The following ELK4 variants were observed in gnomAD, a reference collection of about 807,000 sequenced individuals.
ELK4 encodes ETS transcription factor ELK4.
ELK4 carries 16 observed loss-of-function variants against 29.6 expected under a neutral mutation model. The observed-to-expected ratio is 0.54, with a 90% CI of 0.37 to 0.82. The LOEUF (loss-of-function observed/expected upper bound fraction) is 0.82. Among genes scored for constraint, ELK4 ranks in the 40% least tolerant of loss-of-function variants. The probability of loss-of-function intolerance (pLI) is 0.00; values close to 1 mark genes in which losing one functional copy is unlikely to be tolerated. For synonymous variants in ELK4, 213 were observed against 191.1 expected, an observed-to-expected ratio of 1.11 and a Z score of -0.95; for missense variants, 465 against 507.1, an observed-to-expected ratio of 0.92 and a Z score of 0.80.
At chr1:205,628,710 G>T (rs529438449) in intron 1 of ELK4, among the ~76,000 whole-genome samples, 1 of 152,162 alleles carries the variant, frequency 6.6e-6, no homozygotes, top group Non-Finnish European at 1.5e-5. Context: ...GATGGTACAG[G>T]TTTAACTTGC....
intron 1 of ELK4, chr1:205,626,182 T>C (rs1473669248): frequency 3.2e-6 from 2 of 618,592 alleles, no homozygotes; most frequent in South Asian, 2.9e-5. Context: ...GGAAGGGGGG[T>C]CTCATTCTAC....
At position 205,612,066 on chromosome 1, in the gene ELK4, T is replaced by TA. The variant is rs1670157977; in HGVS notation, c.*4479dup. 5.2e-6 allele frequency: 1 copy of TA among 191,740 alleles called. No individual in the cohort carries two copies. The highest frequency in any genetic ancestry group is 2.3e-5 in the African/African-American group (1 of 42,972). 11.9% of individuals were successfully genotyped at this position (191,740 alleles called of 1,614,324 possible). On this transcript the variant is annotated 3_prime_UTR_variant, in exon 5 of 5. Coordinates refer to ENST00000357992, the MANE Select transcript of ELK4 (RefSeq NM_001973.4). ...TGTGAGCAGACTAGTAAAATAAAAA[T>TA]AGAGTCATACCTAACATGAAGATAA... is the stretch of plus-strand genomic sequence containing the variant.
At chr1:205,618,299 G>C (rs1340002294) in intron 4 of ELK4, among the ~76,000 whole-genome samples, 1 of 151,854 alleles carries the variant, frequency 6.6e-6, no homozygotes, top group Non-Finnish European at 1.5e-5. Flanking sequence ...CCAAAGCGCT[G>C]GGATTACAGG....
chr1:205,612,271 T>C lies in ELK4; in HGVS notation c.*4275A>G, dbSNP rs757695554. On this transcript the variant is annotated 3_prime_UTR_variant, in exon 5 of 5. Coordinates refer to ENST00000357992, the MANE Select transcript of ELK4 (RefSeq NM_001973.4). ...ATATATCATAAGAGAGCATCATATA[T>C]GTTTGGAGATTAGAATGAGAATATC... 44 of 205,920 alleles carry C rather than the reference T, an allele frequency of 2.1e-4. No homozygotes were observed. The highest frequency in any genetic ancestry group is 4.0e-5 in the Non-Finnish European group (4 of 100,820). 12.8% of individuals were successfully genotyped at this position (205,920 alleles called of 1,614,324 possible).
intron 2 of ELK4, among the ~76,000 whole-genome samples, chr1:205,622,621 T>C (rs1670372953): frequency 6.6e-6 from 1 of 152,178 alleles, no homozygotes; most frequent in Non-Finnish European, 1.5e-5. Flanking sequence ...TGGGCTCAAG[T>C]GATCCTCCTG....
intron 2 of ELK4, among the ~76,000 whole-genome samples, chr1:205,623,396 G>A (rs576019675): frequency 2.7e-5 from 4 of 146,096 alleles, no homozygotes; most frequent in South Asian, 4.4e-4. Context: ...TACAACCTCC[G>A]CCTCCCGGGT....
In ELK4 at chr1:205,620,432, G is replaced by C. The variant is rs1670315019; in HGVS notation, c.614C>G (p.Ala205Gly). The C allele has an allele frequency of 6.2e-7, 1 of 1,614,094 alleles. No homozygotes were observed. The highest frequency in any genetic ancestry group is 1.7e-5 in the Admixed American group (1 of 59,994). Residue 205 changes from alanine (A) to glycine (G), a missense_variant, in exon 3 of 5, where the codon GCT (alanine) becomes GGT (glycine). This residue lies in a region of ELK4 where 385 missense variants were observed against 387.5 expected (regional missense o/e 0.99). Transcript: ENST00000357992. ...PSKKPPVEPV[A>G]ATISIGPSIS... Reference sequence around the variant, plus strand: ...ACTTGGGCCAATTGAAATGGTGGCAGCAACAGGTTCAACCGGTGGCTTTTT... The same window carrying C: ...ACTTGGGCCAATTGAAATGGTGGCACCAACAGGTTCAACCGGTGGCTTTTT...
chr1:205,616,735 C>A lies in ELK4; in HGVS notation c.1198-91G>T, dbSNP rs144414741. On this transcript the variant is annotated intron_variant, in intron 4 of 4. Coordinates refer to ENST00000357992, the MANE Select transcript of ELK4 (RefSeq NM_001973.4). The stretch of plus-strand genomic sequence containing the variant: ...CTCTATTACCTGAGGCAAAACACAA[C>A]AGCCTTCTGTAATGGCTCACAGGAC... 68 of 1,064,778 alleles carry A rather than the reference C, an allele frequency of 6.4e-5. No homozygotes were observed. The East Asian group carries it at 1.7e-3, about 26-fold the overall frequency. The allele number at this position is 1,064,778 out of a possible 1,614,324, so 66.0% of individuals were successfully genotyped here.
chr1:205,625,878 C>T (rs1266820111), intron 1 of ELK4: 1 of 658,214 alleles, frequency 1.5e-6, no homozygotes, highest in Non-Finnish European at 2.8e-6. Context: ...GGGGTTTCAC[C>T]ATGTTGGTCA....
Position 205,623,751 on chromosome 1 carries a change from G to C in ELK4, c.132C>G (p.Leu44=), listed in dbSNP as rs1670398430. Residue 44 remains leucine, a synonymous_variant, in exon 2 of 5, where the codon CTC becomes CTG. Coordinates refer to ENST00000357992, the MANE Select transcript of ELK4 (RefSeq NM_001973.4). The part of the protein sequence containing the change: ...KLLQAEEVAR[L]WGIRKNKPNM... ...TAGGCTTGTTCTTGCGAATCCCCCAGAGACGAGCCACCTCTTCTGCCTGCA... is the reference window on the plus strand; with the variant it reads ...TAGGCTTGTTCTTGCGAATCCCCCACAGACGAGCCACCTCTTCTGCCTGCA... The C allele has an allele frequency of 6.2e-7, 1 of 1,614,054 alleles. No homozygotes were observed. Among genetic ancestry groups the C allele is most frequent in the Non-Finnish European group, 8.5e-7 (1 of 1,180,044 alleles).
In ELK4 at chr1:205,610,775, G is replaced by A. The variant is rs1041761339; in HGVS notation, c.*5771C>T. 2.4e-4 allele frequency: 51 copies of A among 216,996 alleles called. No individual in the cohort carries two copies. The highest frequency in any genetic ancestry group is 1.3e-3 in the South Asian group (7 of 5,344). 13.4% of individuals were successfully genotyped at this position (216,996 alleles called of 1,614,324 possible). On this transcript the variant is annotated 3_prime_UTR_variant, in exon 5 of 5. Transcript: ENST00000357992. ...TCCCTATGAAAACAGATTTACACGC[G>A]CACACACACACACACACACATTCAG...
At position 205,620,223 on chromosome 1, in the gene ELK4, G is replaced by A; in HGVS notation, c.823C>T (p.His275Tyr). The A allele has an allele frequency of 6.2e-7, 1 of 1,614,240 alleles. No individual in the cohort carries two copies. The highest frequency in any genetic ancestry group is 8.5e-7 in the Non-Finnish European group (1 of 1,180,044). The stretch of plus-strand genomic sequence containing the variant: ...TCAATGTCTGTGTCGATGTCTGGGT[G>A]AGAACTCAGTGGTGGTGAAGGTGTT... ...PRTPSPPLSS[H>Y]PDIDTDIDSV... The change falls in exon 3 of 5, where the codon CAC becomes TAC. Residue 275 changes from histidine to tyrosine, a missense_variant. His to Tyr is a moderately conservative substitution (Grantham distance 83). Around this residue, in one of 2 missense-constraint regions of ELK4, gnomAD observed 385 missense variants for 387.5 expected, o/e 0.99. Coordinates refer to ENST00000357992, the MANE Select transcript of ELK4 (RefSeq NM_001973.4).
Position 205,620,219 on chromosome 1 carries a change from G to C in ELK4, c.827C>G (p.Pro276Arg), listed in dbSNP as rs1458755945. 6.2e-7 allele frequency: 1 copy of C among 1,614,126 alleles called. No homozygotes were observed. The highest frequency in any genetic ancestry group is 8.5e-7 in the Non-Finnish European group (1 of 1,180,052). ...TGAATCAATGTCTGTGTCGATGTCT[G>C]GGTGAGAACTCAGTGGTGGTGAAGG... ...RTPSPPLSSH[P>R]DIDTDIDSVA... The change falls in exon 3 of 5, where the codon CCA (proline) becomes CGA (arginine). Residue 276 changes from proline (P) to arginine (R), a missense_variant. By Grantham distance (103) the Pro-to-Arg change is moderately radical (BLOSUM62 -2). Transcript: ENST00000357992.
rs1670134467 is a variant in ELK4 at position 205,610,403 on chromosome 1, G to A, written c.*6143C>T. ...CCTCCACTACTGTATTCAATCCATG[G>A]TCGAATCTCTGTACTTTAGAAATAC... On this transcript the variant is annotated 3_prime_UTR_variant, in exon 5 of 5. Coordinates refer to ENST00000357992, the MANE Select transcript of ELK4 (RefSeq NM_001973.4). 1 of 230,590 alleles carries A rather than the reference G, an allele frequency of 4.3e-6. No homozygotes were observed. Among genetic ancestry groups the A allele is most frequent in the African/African-American group, 2.2e-5 (1 of 45,216 alleles). The allele number at this position is 230,590 out of a possible 1,614,324, so 14.3% of individuals were successfully genotyped here. A position where few individuals can be genotyped will look rare whatever the true frequency, so the allele number is the denominator to read the frequency against.
chr1:205,612,991 G>A lies in ELK4; in HGVS notation c.*3555C>T, dbSNP rs1030060093. On this transcript the variant is annotated 3_prime_UTR_variant, in exon 5 of 5. Transcript: ENST00000357992. ...CATATTTTAACTCTAAGAAGCTTAC[G>A]GTTGACCTTTCAAGGGCCTCTAATT... is the stretch of plus-strand genomic sequence containing the variant. 2.9e-5 allele frequency: 6 copies of A among 206,550 alleles called. No individual in the cohort carries two copies. Among genetic ancestry groups the A allele is most frequent in the Admixed American group, 1.2e-4 (2 of 16,730 alleles). The allele number at this position is 206,550 out of a possible 1,614,324, so 12.8% of individuals were successfully genotyped here. A position where few individuals can be genotyped will look rare whatever the true frequency, so the allele number is the denominator to read the frequency against.
In ELK4 at chr1:205,615,022, G is replaced by C. The variant is rs114565068; in HGVS notation, c.*1524C>G. On this transcript the variant is annotated 3_prime_UTR_variant, in exon 5 of 5. Transcript: ENST00000357992. ...AAAAATTTGGTAATGTAGAGAATAA[G>C]GCCTACATTTTTTACTACTAATATG... 0.028 allele frequency: 5,596 copies of C among 202,474 alleles called. 116 individuals carry two copies. The highest frequency in any genetic ancestry group is 0.054 in the African/African-American group (2,361 of 43,596). 12.5% of individuals were successfully genotyped at this position (202,474 alleles called of 1,614,324 possible). A position where few individuals can be genotyped will look rare whatever the true frequency, so the allele number is the denominator to read the frequency against.
intron 1 of ELK4, chr1:205,625,894 G>C: frequency 5.7e-6 from 4 of 699,514 alleles, no homozygotes; most frequent in Non-Finnish European, 7.9e-6. Context: ...GGTCAGGCTG[G>C]TCTTGAACTC....
intron 1 of ELK4, among the ~76,000 whole-genome samples, chr1:205,630,666 T>G (rs1441174640): frequency 6.6e-6 from 1 of 152,208 alleles, no homozygotes; most frequent in African/African-American, 2.4e-5. Flanking sequence ...ACAATAAAAC[T>G]TAAAGACACT....
rs377158852 is a variant in ELK4, at chr1:205,624,832, C to T, written c.-9-941G>A. On this transcript the variant is annotated intron_variant, in intron 1 of 4. Coordinates refer to ENST00000357992, the MANE Select transcript of ELK4 (RefSeq NM_001973.4). The stretch of plus-strand genomic sequence containing the variant: ...ATATCTCCAGACACTGCCAAATATT[C>T]CCCCAGGGGTCAAAGTCATCCCGGT... Among the ~76,000 whole-genome samples, 23 of 152,252 alleles carry T rather than the reference C, an allele frequency of 1.5e-4. No homozygotes were observed. The East Asian group carries it at 3.1e-3, about 20-fold the overall frequency.
Sources: allele counts gnomAD v4.1 joint callset (sites outside exome capture counted in the v4.1 genomes callset), GRCh38; gene constraint gnomAD v4.1.1; regional missense constraint gnomAD v4.1.1; transcripts MANE v1.5; gene names NCBI Gene and HGNC (gene_info 2026-07-23, HGNC 2026-07-21).